RETREG1: variants seen among roughly 807,000 people sequenced by gnomAD.
RETREG1 encodes family with sequence similarity 134 member B.
A neutral mutation model predicts 54.8 loss-of-function variants in RETREG1; 44 were observed. The ratio of observed to expected loss-of-function variants is 0.80; its 90% CI spans 0.63 to 1.03. The LOEUF (loss-of-function observed/expected upper bound fraction) is 1.03. RETREG1 is among the 50% of genes least tolerant of loss of function. The pLI, the probability that RETREG1 is intolerant of heterozygous loss-of-function variation, is 0.00. For synonymous variants in RETREG1, 217 were observed against 238.5 expected, an observed-to-expected ratio of 0.91 and a Z score of 0.83; for missense variants, 554 against 605.1, an observed-to-expected ratio of 0.92 and a Z score of 0.89.
At position 16,568,122 on chromosome 5, in the gene RETREG1, C is replaced by T. The variant is rs377557480; in HGVS notation, c.428-2329G>A. On this transcript the variant is annotated intron_variant, in intron 2 of 8. Transcript: ENST00000306320. ...CCCAGAGTTCAGACAAAGGCATTAA[C>T]GCAGGGAAGCACACACTCAAGGTAC... Among the ~76,000 whole-genome samples the T allele has an allele frequency of 1.2e-3, 178 of 152,080 alleles. 1 individual carries two copies. The highest frequency in any genetic ancestry group is 4.0e-3 in the African/African-American group (165 of 41,478).
At chr5:16,565,196 C>T (rs1326007400) in intron 3 of RETREG1, among the ~76,000 whole-genome samples, 3 of 152,152 alleles carry the variant, frequency 2.0e-5, no homozygotes, top group African/African-American at 7.2e-5. Context: ...AGCCCCTTTA[C>T]CATAGAATGG....
intron 1 of RETREG1, among the ~76,000 whole-genome samples, chr5:16,605,796 G>A (rs1405597289): frequency 6.6e-6 from 1 of 152,134 alleles, no homozygotes; most frequent in East Asian, 1.9e-4. Flanking sequence ...CTCACATGGT[G>A]GAAGGAGTGA....
chr5:16,532,819 C>T (rs1740952247), intron 3 of RETREG1, among the ~76,000 whole-genome samples: 3 of 152,256 alleles, frequency 2.0e-5, no homozygotes, highest in South Asian at 4.1e-4. Context: ...AGAATAACAA[C>T]AACTTTGAAG....
intron 1 of RETREG1, among the ~76,000 whole-genome samples, chr5:16,606,869 C>T (rs1422662874): frequency 2.0e-5 from 3 of 152,184 alleles, no homozygotes; most frequent in Non-Finnish European, 4.4e-5. Flanking sequence ...GCCTCTGGCA[C>T]AGTTGTGGCA....
intron 1 of RETREG1, among the ~76,000 whole-genome samples, chr5:16,599,861 A>G (rs897502643): frequency 6.6e-6 from 1 of 152,216 alleles, no homozygotes; most frequent in Admixed American, 6.5e-5. Context: ...AAACATCTGG[A>G]AGATGGAAAG....
At chr5:16,573,682 G>A (rs1228507396) in intron 1 of RETREG1, among the ~76,000 whole-genome samples, 5 of 148,836 alleles carry the variant, frequency 3.4e-5, no homozygotes, top group South Asian at 2.1e-4. Flanking sequence ...GGATGGATTC[G>A]CTCCAAAGCA....
chr5:16,487,733 GCTGAAGAATTT>G (rs1314907023), intron 3 of RETREG1, among the ~76,000 whole-genome samples: 25 of 152,232 alleles, frequency 1.6e-4, no homozygotes, highest in African/African-American at 5.8e-4. Context: ...TTTTTCAGCA[GCTGAAGAATTT>G]CTGGTTTTAC....
At chr5:16,492,071 C>A (rs2126534866) in intron 3 of RETREG1, among the ~76,000 whole-genome samples, 1 of 152,256 alleles carries the variant, frequency 6.6e-6, no homozygotes, top group East Asian at 1.9e-4. Context: ...GAGAACAGAA[C>A]TGGGCCCTGA....
At chr5:16,518,963 G>C (rs1245465517) in intron 3 of RETREG1, among the ~76,000 whole-genome samples, 1 of 152,124 alleles carries the variant, frequency 6.6e-6, no homozygotes, top group African/African-American at 2.4e-5. Flanking sequence ...GAGAAATAAG[G>C]GTATGGAACT....
chr5:16,513,651 A>G (rs1740254702), intron 3 of RETREG1, among the ~76,000 whole-genome samples: 1 of 152,276 alleles, frequency 6.6e-6, no homozygotes, highest in Admixed American at 6.5e-5. Flanking sequence ...TCTCTCAGAC[A>G]GAAGAAAGAA....
At chr5:16,501,834 C>T (rs1360504464) in intron 3 of RETREG1, among the ~76,000 whole-genome samples, 2 of 152,116 alleles carry the variant, frequency 1.3e-5, no homozygotes, top group Admixed American at 6.5e-5. Context: ...CATGAGCCAC[C>T]ACGCCCAGCC....
At chr5:16,605,437 T>C (rs1743160896) in intron 1 of RETREG1, among the ~76,000 whole-genome samples, 1 of 152,094 alleles carries the variant, frequency 6.6e-6, no homozygotes, top group African/African-American at 2.4e-5. Context: ...CCCCACAAAT[T>C]CTAGTGTCCT....
intron 3 of RETREG1, among the ~76,000 whole-genome samples, chr5:16,520,317 G>T (rs72744182): frequency 0.21 from 18,061 of 84,850 alleles, 1,260 homozygotes; most frequent in African/African-American, 0.31. Flanking sequence ...GGGTTTTGTG[G>T]TTTTTTTTTT....
chr5:16,500,912 G>T (rs551634796), intron 3 of RETREG1, among the ~76,000 whole-genome samples: 6 of 151,156 alleles, frequency 4.0e-5, no homozygotes, highest in African/African-American at 1.5e-4. Context: ...GGGGCCCCAG[G>T]TAACTTTGCA....
rs1279375973 is a variant in RETREG1, at chr5:16,523,646, A to G, written c.459-40174T>C. Among the ~76,000 whole-genome samples, 7 of 152,144 alleles carry G rather than the reference A, an allele frequency of 4.6e-5. 1 individual carries two copies. Among genetic ancestry groups the G allele is most frequent in the Admixed American group, 4.6e-4 (7 of 15,282 alleles). ...TTCCATCCTCTATTCTTTGAAAGCA[A>G]GTCACTAAATCCAATCCACGCTCAA... On this transcript the variant is annotated intron_variant, in intron 3 of 8. Coordinates refer to ENST00000306320, the MANE Select transcript of RETREG1 (RefSeq NM_001034850.3).
chr5:16,596,107 C>T (rs1262107854), intron 1 of RETREG1, among the ~76,000 whole-genome samples: 3 of 152,154 alleles, frequency 2.0e-5, no homozygotes, highest in East Asian at 1.9e-4. Context: ...ATCTGTAACA[C>T]GAGGTGGTTA....
intron 3 of RETREG1, among the ~76,000 whole-genome samples, chr5:16,498,874 T>C (rs1040948180): frequency 1.3e-5 from 2 of 152,254 alleles, no homozygotes; most frequent in Non-Finnish European, 2.9e-5. Flanking sequence ...TGTACACTTA[T>C]TGAGTTAAAT....
At chr5:16,521,304 T>G (rs753655566) in intron 3 of RETREG1, among the ~76,000 whole-genome samples, 1 of 152,188 alleles carries the variant, frequency 6.6e-6, no homozygotes, top group African/African-American at 2.4e-5. Flanking sequence ...CCCCACAGTT[T>G]AAACACTTGT....
intron 3 of RETREG1, among the ~76,000 whole-genome samples, chr5:16,522,952 G>T (rs1740584129): frequency 6.6e-6 from 1 of 152,064 alleles, no homozygotes; most frequent in African/African-American, 2.4e-5. Context: ...GTTACAGTGA[G>T]CTGTGACTGC....
Sources: allele counts gnomAD v4.1 joint callset (sites outside exome capture counted in the v4.1 genomes callset), GRCh38; gene constraint gnomAD v4.1.1; transcripts MANE v1.5; gene names NCBI Gene and HGNC (gene_info 2026-07-23, HGNC 2026-07-21).